The following SORBS2 variants were observed in gnomAD, a reference collection of about 807,000 sequenced individuals.
The protein encoded by SORBS2 is sorbin and SH3 domain containing 2.
A neutral mutation model predicts 97.7 loss-of-function variants in SORBS2; 46 were observed. The observed-to-expected ratio is 0.47, with a 90% CI of 0.37 to 0.60. The LOEUF is 0.60. Ranked by LOEUF, SORBS2 falls within the 20% of genes least tolerant of loss-of-function variation. SORBS2 has a pLI of 0.00. For synonymous variants in SORBS2, 476 were observed against 473.4 expected, an observed-to-expected ratio of 1.01 and a Z score of -0.07; for missense variants, 1,316 against 1,282.3, an observed-to-expected ratio of 1.03 and a Z score of -0.40.
At chr4:185,755,762 A>G (rs2098827138) in intron 2 of SORBS2, among the ~76,000 whole-genome samples, 1 of 152,238 alleles carries the variant, frequency 6.6e-6, no homozygotes, top group Non-Finnish European at 1.5e-5. Context: ...AATCACATTC[A>G]TTCTTTCAAG....
At chr4:185,686,500 G>C (rs1225809486) in intron 2 of SORBS2, among the ~76,000 whole-genome samples, 1 of 152,190 alleles carries the variant, frequency 6.6e-6, no homozygotes, top group Non-Finnish European at 1.5e-5. Context: ...ACACAAATGG[G>C]AGAAACAACT....
chr4:185,764,127 G>A (rs916554656), intron 2 of SORBS2, among the ~76,000 whole-genome samples: 18 of 152,226 alleles, frequency 1.2e-4, no homozygotes, highest in South Asian at 4.1e-4. Flanking sequence ...GCCTGGTATC[G>A]TGTCAACAGG....
chr4:185,663,209 C>T (rs570514276), intron 4 of SORBS2, among the ~76,000 whole-genome samples: 4 of 152,298 alleles, frequency 2.6e-5, no homozygotes, highest in African/African-American at 7.2e-5. Flanking sequence ...GCTAAATACA[C>T]ACAACACACA....
intron 1 of SORBS2, among the ~76,000 whole-genome samples, chr4:185,656,090 A>T (rs778392295): frequency 6.6e-6 from 1 of 152,226 alleles, no homozygotes; most frequent in Non-Finnish European, 1.5e-5. Flanking sequence ...ACAAGAAAAC[A>T]TCATCACCAG....
chr4:185,654,033 G>A (rs2097356181), intron 1 of SORBS2, among the ~76,000 whole-genome samples: 1 of 152,090 alleles, frequency 6.6e-6, no homozygotes, highest in Non-Finnish European at 1.5e-5. Flanking sequence ...GGACATTAAG[G>A]GTTTTGTGCT....
rs115817146 is a variant in SORBS2 at position 185,896,283 on chromosome 4, G to C, written c.-338+59913C>G. Among the ~76,000 whole-genome samples the C allele has an allele frequency of 4.3e-3, 660 of 152,334 alleles. 4 individuals carry two copies. The highest frequency in any genetic ancestry group is 0.015 in the African/African-American group (631 of 41,576). On this transcript the variant is annotated intron_variant, in intron 1 of 20. Transcript: ENST00000284776. ...TCTGAATTAGATACAAATCCTCAGAGAAAGGATTTAGACATGTTGGCCAGG... is the reference window on the plus strand; with the variant it reads ...TCTGAATTAGATACAAATCCTCAGACAAAGGATTTAGACATGTTGGCCAGG...
At chr4:185,780,980 C>A (rs1378790505) in intron 1 of SORBS2, among the ~76,000 whole-genome samples, 1 of 152,162 alleles carries the variant, frequency 6.6e-6, no homozygotes, top group South Asian at 2.1e-4. Flanking sequence ...CTCTGTCACC[C>A]AGGCTGGAGT....
chr4:185,842,581 A>G (rs2099212210), intron 1 of SORBS2, among the ~76,000 whole-genome samples: 1 of 152,150 alleles, frequency 6.6e-6, no homozygotes, highest in Admixed American at 6.5e-5. Context: ...AAAAATAGTC[A>G]CTAGAGAAAC....
chr4:185,802,574 T>A (rs1469077044), intron 1 of SORBS2, among the ~76,000 whole-genome samples: 1 of 152,066 alleles, frequency 6.6e-6, no homozygotes, highest in Non-Finnish European at 1.5e-5. Context: ...ACTAACATAC[T>A]AACAAATGGG....
chr4:185,735,511 CACAA>C (rs201068186), intron 2 of SORBS2, among the ~76,000 whole-genome samples: 2,270 of 151,184 alleles, frequency 0.015, 31 homozygotes, highest in Non-Finnish European at 0.02. Context: ...CACTCACACA[CACAA>C]ACAAACACAC....
At chr4:185,905,760 G>A (rs913031380) in intron 1 of SORBS2, among the ~76,000 whole-genome samples, 6 of 152,186 alleles carry the variant, frequency 3.9e-5, no homozygotes, top group South Asian at 2.1e-4. Context: ...TACTAGGCCC[G>A]GCCTCTTCTG....
intron 1 of SORBS2, among the ~76,000 whole-genome samples, chr4:185,828,737 T>C (rs141059993): frequency 2.0e-4 from 31 of 152,228 alleles, no homozygotes; most frequent in African/African-American, 7.0e-4. Context: ...CCCACATCAA[T>C]TGCCCCTCTA....
chr4:185,661,899 G>GCTC (rs1463049324), upstream of SORBS2, among the ~76,000 whole-genome samples: 1 of 152,034 alleles, frequency 6.6e-6, no homozygotes, highest in Non-Finnish European at 1.5e-5. Context: ...CCCACACCAG[G>GCTC]CTCAGACACA....
Position 185,908,085 on chromosome 4 carries a change from C to T in SORBS2, c.-338+48111G>A, listed in dbSNP as rs187964087. 4.1e-4 allele frequency among the ~76,000 whole-genome samples: 63 copies of T among 152,040 alleles called. 1 individual carries two copies. Among genetic ancestry groups the T allele is most frequent in the Admixed American group, 3.7e-3 (57 of 15,264 alleles). On this transcript the variant is annotated intron_variant, in intron 1 of 20. Transcript: ENST00000284776. ...CACTACCATGCACATTCTCCCAAAACAAGCGCATTCTCAGGATATTGCTTT... is the reference window on the plus strand; with the variant it reads ...CACTACCATGCACATTCTCCCAAAATAAGCGCATTCTCAGGATATTGCTTT...
At position 185,655,091 on chromosome 4, in the gene SORBS2, G is replaced by A. The variant is rs573044809; in HGVS notation, c.24+1524C>T. On this transcript the variant is annotated intron_variant, in intron 1 of 14. Transcript: ENST00000418609. ...AATCTCATGGGAGCTGAGCCCTGGC[G>A]ATTTTTGTTGTTTTGAAGAACAGCA... Among the ~76,000 whole-genome samples the A allele has an allele frequency of 8.5e-4, 129 of 152,286 alleles. 1 individual carries two copies. The highest frequency in any genetic ancestry group is 3.1e-3 in the African/African-American group (127 of 41,560).
rs75911392 is a variant in SORBS2 at position 185,925,913 on chromosome 4, A to G, written c.-338+30283T>C. ...CAGAGCATAGAAGTCTCCTCTGGCA[A>G]GACAGGACTTAAGCTGAGAGGTCAA... On this transcript the variant is annotated intron_variant, in intron 1 of 20. Transcript: ENST00000284776. 7.2e-5 allele frequency among the ~76,000 whole-genome samples: 11 copies of G among 152,368 alleles called. No individual in the cohort carries two copies. In the East Asian group the frequency reaches 2.1e-3, roughly 29 times the overall value.
intron 4 of SORBS2, among the ~76,000 whole-genome samples, chr4:185,644,038 C>T (rs969757227): frequency 1.3e-5 from 2 of 152,218 alleles, no homozygotes; most frequent in African/African-American, 2.4e-5. Flanking sequence ...GCAATTGAAA[C>T]GAAGTCAGGA....
intron 1 of SORBS2, among the ~76,000 whole-genome samples, chr4:185,858,648 C>T (rs967528536): frequency 1.1e-4 from 17 of 152,256 alleles, no homozygotes; most frequent in African/African-American, 4.1e-4. Flanking sequence ...GGGAGAGACA[C>T]AGACAAGGCT....
At chr4:185,660,312 A>G (rs370272361), upstream of SORBS2, among the ~76,000 whole-genome samples, 3 of 152,286 alleles carry the variant, frequency 2.0e-5, no homozygotes, top group African/African-American at 7.2e-5. Context: ...TGGCTAGAAT[A>G]ATTTGTCGAG....
Sources: allele counts gnomAD v4.1 joint callset (sites outside exome capture counted in the v4.1 genomes callset), GRCh38; gene constraint gnomAD v4.1.1; transcripts MANE v1.5; gene names NCBI Gene and HGNC (gene_info 2026-07-23, HGNC 2026-07-21).